Variants in SYNE1 observed in about 807,000 individuals in gnomAD.
The protein encoded by SYNE1 is nesprin-1.
A neutral mutation model predicts 1,111.0 loss-of-function variants in SYNE1; 616 were observed. The ratio of observed to expected loss-of-function variants is 0.55; its 90% CI spans 0.52 to 0.59. The LOEUF is 0.59. Among genes scored for constraint, SYNE1 ranks in the 20% least tolerant of loss-of-function variants. The pLI is 0.00. For synonymous variants in SYNE1, 3,855 were observed against 3,825.8 expected, an observed-to-expected ratio of 1.01 and a Z score of -0.28; for missense variants, 10,006 against 10,417.0, an observed-to-expected ratio of 0.96 and a Z score of 1.72.
chr6:152,187,027 G>A (rs1472639652), intron 128 of SYNE1, among the ~76,000 whole-genome samples: 1 of 152,188 alleles, frequency 6.6e-6, no homozygotes, highest in Non-Finnish European at 1.5e-5. Context: ...AATGAATCAA[G>A]TGTTGTGATT....
intron 110 of SYNE1, among the ~76,000 whole-genome samples, chr6:152,235,391 C>T (rs12111427): frequency 0.2 from 29,780 of 152,122 alleles, 3,197 homozygotes; most frequent in African/African-American, 0.24. Context: ...GATGGAGTTT[C>T]GCTCTTGTTG....
chr6:152,630,346 A>G (rs1412999167), intron 2 of SYNE1, among the ~76,000 whole-genome samples: 1 of 152,208 alleles, frequency 6.6e-6, no homozygotes, highest in African/African-American at 2.4e-5. Flanking sequence ...TTGGTGTCTT[A>G]TAGGCTAGAG....
At chr6:152,380,908 C>A in intron 56 of SYNE1, 98 bp downstream of exon 56, 2 of 1,126,200 alleles carry the variant, frequency 1.8e-6, no homozygotes, top group Middle Eastern at 2.0e-4. Context: ...GTGCATGTTG[C>A]GTGTTTTTAG....
In SYNE1 at chr6:152,230,674, G is replaced by T; in HGVS notation, c.21068C>A (p.Ser7023Tyr). The T allele has an allele frequency of 6.2e-7, 1 of 1,613,996 alleles. No individual in the cohort carries two copies. The highest frequency in any genetic ancestry group is 1.3e-5 in the African/African-American group (1 of 75,036). The stretch of plus-strand genomic sequence containing the variant: ...TACATTATTTTCATATTCTGACCAA[G>T]ATTCCAATAAGCCTTCCAACAGCTG... ...KIQLLEGLLE[S>Y]WSEYENNVQC... The change falls in exon 115 of 146, where the codon TCT becomes TAT. Residue 7023 changes from serine (S) to tyrosine (Y), a missense_variant. Transcript: ENST00000367255.
intron 105 of SYNE1, among the ~76,000 whole-genome samples, chr6:152,246,644 A>C (rs2153579656): frequency 6.6e-6 from 1 of 152,242 alleles, no homozygotes; most frequent in South Asian, 2.1e-4. Flanking sequence ...GCAGGAAAGA[A>C]ATGTATTAAA....
intron 91 of SYNE1, among the ~76,000 whole-genome samples, chr6:152,307,865 A>C (rs1168983257): frequency 6.6e-6 from 1 of 152,092 alleles, no homozygotes; most frequent in African/African-American, 2.4e-5. Flanking sequence ...ACTGAGTCTC[A>C]CTCTGTCGCC....
chr6:152,194,003 A>G (rs2073376741), intron 127 of SYNE1, among the ~76,000 whole-genome samples: 1 of 116,632 alleles, frequency 8.6e-6, no homozygotes, highest in Non-Finnish European at 1.8e-5. Flanking sequence ...GCAGAGCAAG[A>G]CTGTCTCGAA....
Position 152,425,485 on chromosome 6 carries a change from T to G in SYNE1, c.5163A>C (p.Glu1721Asp), listed in dbSNP as rs1038864214. The change falls in exon 39 of 146, where the codon GAA becomes GAC. Residue 1721 changes from glutamate to aspartate, a missense_variant. Physicochemically the swap from Glu to Asp is conservative, Grantham distance 45. Around this residue, in one of 7 missense-constraint regions of SYNE1, gnomAD observed 1,971 missense variants for 2,084.1 expected, o/e 0.95. Transcript: ENST00000367255. ...CTTTGGAGGCTACTGAGAACAATGA[T>G]TCCTTCAATTGCAAAAGTTTGCTAT... ...SFYSKLLQLK[E>D]SLFSVASKDD... 3.7e-6 allele frequency: 6 copies of G among 1,614,192 alleles called. No individual in the cohort carries two copies. The highest frequency in any genetic ancestry group is 1.6e-4 in the Middle Eastern group (1 of 6,062).
chr6:152,537,660 A>G (rs1289172297), intron 4 of SYNE1, among the ~76,000 whole-genome samples: 3 of 152,168 alleles, frequency 2.0e-5, no homozygotes, highest in Non-Finnish European at 2.9e-5. Flanking sequence ...GTCAAGCACA[A>G]AAATAAAAAT....
Position 152,409,585 on chromosome 6 carries a change from C to T in SYNE1, c.6355G>A (p.Glu2119Lys), listed in dbSNP as rs1458782747. ...TTGGAAAAAGCCCATTTAAGATCCT[C>T]CTGATCTTTTATGGTAGTTCTGGTT... The part of the protein sequence containing the change: ...IVTRTTIKDQ[E>K]DLKWAFSKHE... Residue 2119 changes from glutamate to lysine, a missense_variant, in exon 43 of 146, where the codon GAG becomes AAG. Glu to Lys is a moderately conservative substitution (Grantham distance 56, BLOSUM62 1). Transcript: ENST00000367255. 1 of 1,613,792 alleles carries T rather than the reference C, an allele frequency of 6.2e-7. No individual in the cohort carries two copies. Among genetic ancestry groups the T allele is most frequent in the Non-Finnish European group, 8.5e-7 (1 of 1,179,954 alleles).
In SYNE1 at chr6:152,336,967, C is replaced by T; in HGVS notation, c.12402G>A (p.Glu4134=). ...AGAGCTCAGACTTCAGGTGCTTGAT[C>T]TCTTCCCAGCCCTGAGTTAAGTTCT... The part of the protein sequence containing the change: ...QAQNLTQGWE[E]IKHLKSELWI... The change falls in exon 76 of 146, where the codon GAG becomes GAA. Residue 4134 remains glutamate, a synonymous_variant. Transcript: ENST00000367255. 6.2e-7 allele frequency: 1 copy of T among 1,614,032 alleles called. No homozygotes were observed. The highest frequency in any genetic ancestry group is 8.5e-7 in the Non-Finnish European group (1 of 1,179,976).
intron 145 of SYNE1, chr6:152,127,233 G>A (rs371938002): frequency 4.6e-5 from 7 of 152,290 alleles, no homozygotes; most frequent in East Asian, 1.9e-4. Context: ...GGTTAACGGG[G>A]TAGGGTCTGG....
At chr6:152,214,765 C>T (rs752888499) in intron 122 of SYNE1, 141 bp downstream of exon 122, 23 of 1,148,098 alleles carry the variant, frequency 2.0e-5, no homozygotes, top group African/African-American at 4.6e-5. Context: ...ACCTTGACTG[C>T]GGACTTCCCA....
In SYNE1 at chr6:152,365,029, C is replaced by T; in HGVS notation, c.9973-10G>A. 1.2e-6 allele frequency: 2 copies of T among 1,614,116 alleles called. No individual in the cohort carries two copies. Among genetic ancestry groups the T allele is most frequent in the Non-Finnish European group, 1.7e-6 (2 of 1,180,000 alleles). On this transcript the variant is annotated splice_polypyrimidine_tract_variant and intron_variant, in intron 62 of 145. Coordinates refer to ENST00000367255, the MANE Select transcript of SYNE1 (RefSeq NM_182961.4). Reference sequence around the variant, plus strand: ...TGACTGATAATAGAGCCTGTGAAAACACATACAGAAGTCCTTTGTCATTTG... The same window carrying T: ...TGACTGATAATAGAGCCTGTGAAAATACATACAGAAGTCCTTTGTCATTTG...
At chr6:152,274,754 A>G (rs2093469744) in intron 98 of SYNE1, among the ~76,000 whole-genome samples, 1 of 151,604 alleles carries the variant, frequency 6.6e-6, no homozygotes, top group Non-Finnish European at 1.5e-5. Context: ...CCACCACCAC[A>G]CCTGGCTAAT....
chr6:152,614,570 T>C (rs371197116), intron 3 of SYNE1, among the ~76,000 whole-genome samples: 1 of 152,310 alleles, frequency 6.6e-6, no homozygotes, highest in Non-Finnish European at 1.5e-5. Flanking sequence ...TGGAAGACAA[T>C]GTGGCGATTC....
intron 3 of SYNE1, among the ~76,000 whole-genome samples, chr6:152,568,004 G>A (rs1326479779): frequency 6.6e-6 from 1 of 151,830 alleles, no homozygotes; most frequent in East Asian, 1.9e-4. Flanking sequence ...AAACTAGAGG[G>A]CAAATGAAAA....
chr6:152,333,793 C>T (rs963808705), intron 77 of SYNE1, among the ~76,000 whole-genome samples: 31 of 152,074 alleles, frequency 2.0e-4, no homozygotes, highest in African/African-American at 7.0e-4. Context: ...CCACCACGCC[C>T]GGCTAATTTT....
chr6:152,240,431 G>C (rs1383958185), intron 107 of SYNE1, among the ~76,000 whole-genome samples: 1 of 152,154 alleles, frequency 6.6e-6, no homozygotes, highest in East Asian at 1.9e-4. Flanking sequence ...TGCACTGATT[G>C]ATATTATAAA....
Sources: gnomAD v4.1 joint callset for allele counts (sites outside exome capture counted in the v4.1 genomes callset) on GRCh38, gnomAD v4.1.1 for gene constraint, gnomAD v4.1.1 regional missense constraint, MANE v1.5 for transcripts, NCBI Gene and HGNC (gene_info 2026-07-23, HGNC 2026-07-21) for gene names.